CLSTN2: variants seen among roughly 807,000 people sequenced by gnomAD.
CLSTN2 encodes the protein calsyntenin-2.
A neutral mutation model predicts 101.2 loss-of-function variants in CLSTN2; 48 were observed. That is an observed-to-expected ratio of 0.47 (90% CI 0.38 to 0.60). The LOEUF (loss-of-function observed/expected upper bound fraction) is 0.60, where lower values mean the gene tolerates loss of function less well. Among genes scored for constraint, CLSTN2 ranks in the 20% least tolerant of loss-of-function variants. The probability of loss-of-function intolerance (pLI) is 0.00; values close to 1 mark genes in which losing one functional copy is unlikely to be tolerated. For missense variants in CLSTN2, 1,160 were observed against 1,238.2 expected, an observed-to-expected ratio of 0.94 and a Z score of 0.95; for synonymous variants, 481 against 463.6, an observed-to-expected ratio of 1.04 and a Z score of -0.48.
rs139990582 is a variant in CLSTN2 at position 139,949,280 on chromosome 3, T to G, written c.109+13797T>G. On this transcript the variant is annotated intron_variant, in intron 1 of 16. Coordinates refer to ENST00000458420, the MANE Select transcript of CLSTN2 (RefSeq NM_022131.3). The stretch of plus-strand genomic sequence containing the variant: ...TAACGCTATGGATGAAGTAGGTGGA[T>G]GAATGATGGATGGAGCTCCCTGGAA... Among the ~76,000 whole-genome samples the G allele has an allele frequency of 7.3e-3, 1,115 of 152,306 alleles. 9 individuals are homozygous for G. The highest frequency in any genetic ancestry group is 9.4e-3 in the Non-Finnish European group (642 of 68,020).
intron 5 of CLSTN2, among the ~76,000 whole-genome samples, chr3:140,427,240 T>C (rs138737907): frequency 0.011 from 1,383 of 123,044 alleles, 40 homozygotes; most frequent in South Asian, 0.022. Context: ...TATATATATA[T>C]ATATACATAT....
intron 2 of CLSTN2, among the ~76,000 whole-genome samples, chr3:140,277,160 A>C (rs2086802859): frequency 6.6e-6 from 1 of 152,210 alleles, no homozygotes; most frequent in African/African-American, 2.4e-5. Context: ...AAAAAGAAGT[A>C]GGGCCAGATA....
chr3:140,024,454 C>T (rs2007378576), intron 1 of CLSTN2, among the ~76,000 whole-genome samples: 1 of 152,154 alleles, frequency 6.6e-6, no homozygotes, highest in South Asian at 2.1e-4. Flanking sequence ...TTTTTGTTTT[C>T]TCAAGGAAGC....
Position 140,474,968 on chromosome 3 carries a change from C to T in CLSTN2, c.1344+8237C>T, listed in dbSNP as rs537028068. Among the ~76,000 whole-genome samples the T allele has an allele frequency of 1.6e-5, 2 of 128,816 alleles. 1 individual carries two copies. The highest frequency in any genetic ancestry group is 3.7e-5 in the Non-Finnish European group (2 of 53,400). The allele number at this position is 128,816 out of a possible 152,430, so 84.5% of individuals were successfully genotyped here. On this transcript the variant is annotated intron_variant, in intron 8 of 16. Coordinates refer to ENST00000458420, the MANE Select transcript of CLSTN2 (RefSeq NM_022131.3). Reference sequence around the variant, plus strand: ...AGTGGAAAGAAGCCCCCACTACACGCAATGATAACCTTAACACCCTCTTGG... The same window carrying T: ...AGTGGAAAGAAGCCCCCACTACACGTAATGATAACCTTAACACCCTCTTGG...
intron 2 of CLSTN2, among the ~76,000 whole-genome samples, chr3:140,292,742 A>G (rs191023500): frequency 6.6e-6 from 1 of 152,342 alleles, no homozygotes; most frequent in Admixed American, 6.5e-5. Flanking sequence ...GAGGGTGAGC[A>G]TAGCAATATA....
At chr3:140,264,518 C>T (rs978157180) in intron 2 of CLSTN2, among the ~76,000 whole-genome samples, 12 of 150,118 alleles carry the variant, frequency 8.0e-5, no homozygotes, top group Non-Finnish European at 1.3e-4. Context: ...ATATCATAAC[C>T]GGAGACATGA....
intron 1 of CLSTN2, among the ~76,000 whole-genome samples, chr3:140,052,917 G>A (rs535232503): frequency 2.0e-5 from 3 of 152,332 alleles, no homozygotes; most frequent in South Asian, 2.1e-4. Flanking sequence ...AACCTTGGGT[G>A]TGGTTGCAGC....
chr3:140,107,658 C>T (rs1021046394), intron 1 of CLSTN2, among the ~76,000 whole-genome samples: 1 of 152,152 alleles, frequency 6.6e-6, no homozygotes, highest in African/African-American at 2.4e-5. Flanking sequence ...GTAGCTCCCT[C>T]TTCATGTGCA....
chr3:140,475,573 G>A lies in CLSTN2; in HGVS notation c.1344+8842G>A, dbSNP rs565857843. The stretch of plus-strand genomic sequence containing the variant: ...ACAGGGATGCCATTCTTTCCCTGCT[G>A]CCGTCTTACCCACTTCCCCTGCTTT... On this transcript the variant is annotated intron_variant, in intron 8 of 16. Transcript: ENST00000458420. 3.2e-4 allele frequency among the ~76,000 whole-genome samples: 49 copies of A among 152,310 alleles called. 1 individual carries two copies. The South Asian group carries it at 9.1e-3, about 28-fold the overall frequency.
At chr3:140,234,668 TC>T (rs1163858810) in intron 2 of CLSTN2, among the ~76,000 whole-genome samples, 1 of 152,186 alleles carries the variant, frequency 6.6e-6, no homozygotes, top group East Asian at 1.9e-4. Flanking sequence ...GTTCATGCTA[TC>T]CCTCTTCATG....
rs548693417 is a variant in CLSTN2, at chr3:140,562,721, G to A, written c.2213-90G>A. ...CTCAACAAATTTACAAGACCCATGA[G>A]GTCTTGTACCACAAGCCCTGGCTTG... On this transcript the variant is annotated intron_variant, in intron 13 of 16. Coordinates refer to ENST00000458420, the MANE Select transcript of CLSTN2 (RefSeq NM_022131.3). 70 of 1,373,664 alleles carry A rather than the reference G, an allele frequency of 5.1e-5. No homozygotes were observed. The East Asian group carries it at 1.5e-3, about 30-fold the overall frequency. The allele number at this position is 1,373,664 out of a possible 1,614,324, so 85.1% of individuals were successfully genotyped here.
chr3:140,538,819 G>T (rs1176164977), intron 9 of CLSTN2, among the ~76,000 whole-genome samples: 2 of 152,140 alleles, frequency 1.3e-5, no homozygotes, highest in Non-Finnish European at 2.9e-5. Context: ...CAGTCCTACA[G>T]GATACCCTTT....
At chr3:140,403,919 TCA>T in intron 3 of CLSTN2, 95 bp downstream of exon 3, 1 of 1,062,182 alleles carries the variant, frequency 9.4e-7, no homozygotes, top group East Asian at 2.5e-5. Context: ...TACCCTCTTG[TCA>T]CACAATGGTG....
At chr3:140,349,571 C>T (rs1350789227) in intron 2 of CLSTN2, among the ~76,000 whole-genome samples, 1 of 152,044 alleles carries the variant, frequency 6.6e-6, no homozygotes, top group Non-Finnish European at 1.5e-5. Context: ...AGTGGGGATC[C>T]AATCTATGGC....
chr3:140,111,823 A>G (rs927468040), intron 1 of CLSTN2, among the ~76,000 whole-genome samples: 1 of 152,192 alleles, frequency 6.6e-6, no homozygotes, highest in Non-Finnish European at 1.5e-5. Flanking sequence ...AGCCACTGTG[A>G]TAAGGACTTC....
intron 5 of CLSTN2, among the ~76,000 whole-genome samples, chr3:140,437,032 T>C (rs1003982217): frequency 6.8e-6 from 1 of 147,626 alleles, no homozygotes; most frequent in African/African-American, 2.5e-5. Flanking sequence ...AGGGACCTTC[T>C]ACCTGCTGGG....
intron 1 of CLSTN2, among the ~76,000 whole-genome samples, chr3:140,060,026 G>A (rs1470939999): frequency 6.6e-6 from 1 of 152,080 alleles, no homozygotes; most frequent in Non-Finnish European, 1.5e-5. Flanking sequence ...ATCTCTCTGG[G>A]CCTCAGTTTC....
chr3:140,565,906 G>A, intron 16 of CLSTN2, 147 bp from the exon 17 acceptor site: 1 of 994,394 alleles, frequency 1.0e-6, no homozygotes, highest in Non-Finnish European at 1.5e-6. Flanking sequence ...CTTCCAGGAA[G>A]TCTGTCTCCA....
chr3:140,517,350 T>C (rs970381823), intron 8 of CLSTN2, among the ~76,000 whole-genome samples: 4 of 152,218 alleles, frequency 2.6e-5, no homozygotes, highest in African/African-American at 9.6e-5. Flanking sequence ...TTGGGTCCAT[T>C]GGTGGTGAGC....
Sources: gnomAD v4.1 joint callset for allele counts (sites outside exome capture counted in the v4.1 genomes callset) on GRCh38, gnomAD v4.1.1 for gene constraint, MANE v1.5 for transcripts, NCBI Gene and HGNC (gene_info 2026-07-23, HGNC 2026-07-21) for gene names.